The following THAP5 variants were observed in gnomAD, a reference collection of about 807,000 sequenced individuals.
THAP5 encodes THAP domain-containing protein 5.
A neutral mutation model predicts 34.0 loss-of-function variants in THAP5; 26 were observed. The ratio of observed to expected loss-of-function variants is 0.77; its 90% CI spans 0.56 to 1.06. THAP5 has a LOEUF of 1.06. THAP5 is among the 50% of genes least tolerant of loss of function. The pLI, the probability that THAP5 is intolerant of heterozygous loss-of-function variation, is 0.00. For synonymous variants in THAP5, 125 were observed against 153.0 expected, an observed-to-expected ratio of 0.82 and a Z score of 1.35; for missense variants, 394 against 452.8, an observed-to-expected ratio of 0.87 and a Z score of 1.18.
chr7:108,561,910 C>G (rs1430203157), downstream of THAP5, among the ~76,000 whole-genome samples: 1 of 152,050 alleles, frequency 6.6e-6, no homozygotes, highest in African/African-American at 2.4e-5. Context: ...AAAGTTTTAC[C>G]GGAGAATGAT....
downstream of THAP5, among the ~76,000 whole-genome samples, chr7:108,560,884 C>A (rs2240449): frequency 0.2 from 30,515 of 152,058 alleles, 3,794 homozygotes; most frequent in East Asian, 0.52. Flanking sequence ...ACTAAAAGCA[C>A]CGACTACCAT....
chr7:108,564,346 T>C lies in THAP5; in HGVS notation c.1033A>G (p.Ile345Val), dbSNP rs761366398. The part of the protein sequence containing the change: ...WQKVSKLHSK[I>V]TLLELKEQQT... ...TGCTCTTTTAACTCTAGAAGAGTTA[T>C]CTTTGAATGTAGCTTAGAGACTTTC... is the stretch of plus-strand genomic sequence containing the variant. The change falls in exon 3 of 3, where the codon ATA becomes GTA. Residue 345 changes from isoleucine (I) to valine (V), a missense_variant. Coordinates refer to ENST00000415914, the MANE Select transcript of THAP5 (RefSeq NM_001130475.3). 1.8e-5 allele frequency: 29 copies of C among 1,613,758 alleles called. No homozygotes were observed. The highest frequency in any genetic ancestry group is 1.9e-5 in the Non-Finnish European group (23 of 1,179,882).
chr7:108,553,415 AC>A (rs1269549377), downstream of THAP5, among the ~76,000 whole-genome samples: 4 of 151,962 alleles, frequency 2.6e-5, no homozygotes, highest in Non-Finnish European at 4.4e-5. Context: ...CCCTCCATAA[AC>A]CAGCATAACC....
chr7:108,569,369 C>T lies in THAP5; in HGVS notation c.80+121G>A. 4 of 1,508,730 alleles carry T rather than the reference C, an allele frequency of 2.7e-6. No individual in the cohort carries two copies. The South Asian group carries it at 3.7e-5, about 14-fold the overall frequency. The allele number at this position is 1,508,730 out of a possible 1,614,324, so 93.5% of individuals were successfully genotyped here. A position where few individuals can be genotyped will look rare whatever the true frequency, so the allele number is the denominator to read the frequency against. On this transcript the variant is annotated intron_variant, in intron 1 of 2. Transcript: ENST00000415914. ...CTTCCCTCCGTCTTGCCGCGGGCGA[C>T]GGGCCACGTACGGAGAGCTGAGGAC... is the stretch of plus-strand genomic sequence containing the variant.
chr7:108,557,518 T>C (rs1421348421), downstream of THAP5, among the ~76,000 whole-genome samples: 1 of 152,240 alleles, frequency 6.6e-6, no homozygotes, highest in Non-Finnish European at 1.5e-5. Flanking sequence ...GACAGATCCC[T>C]AGAGCAGGGG....
At chr7:108,553,484 T>G (rs1413316995), downstream of THAP5, among the ~76,000 whole-genome samples, 1 of 152,224 alleles carries the variant, frequency 6.6e-6, no homozygotes, top group African/African-American at 2.4e-5. Flanking sequence ...CAGGAACCTT[T>G]ATTTGTACTT....
At chr7:108,549,341 C>T in the THAP5 span, among the ~76,000 whole-genome samples, 8 of 152,142 alleles carry the variant, frequency 5.3e-5, no homozygotes, top group Admixed American at 1.3e-4. Flanking sequence ...AGTATGGTCT[C>T]GATCTCTTGA....
downstream of THAP5, among the ~76,000 whole-genome samples, chr7:108,558,161 GA>G (rs1395196519): frequency 3.3e-5 from 5 of 151,750 alleles, no homozygotes; most frequent in Non-Finnish European, 7.4e-5. Flanking sequence ...AACACATGGG[GA>G]TTACAATTTG....
At chr7:108,565,315 C>G in intron 2 of THAP5, 2 of 396,712 alleles carry the variant, frequency 5.0e-6, no homozygotes, top group Middle Eastern at 7.0e-4. Flanking sequence ...ATTCAAAAGA[C>G]TAGTATATTG....
At chr7:108,552,538 GC>G (rs1358464304), downstream of THAP5, among the ~76,000 whole-genome samples, 3 of 152,186 alleles carry the variant, frequency 2.0e-5, no homozygotes, top group Non-Finnish European at 4.4e-5. Flanking sequence ...GGTGGCTCAC[GC>G]CTGTAATCCC....
At chr7:108,558,367 A>ATGTGTG (rs1473520288), downstream of THAP5, among the ~76,000 whole-genome samples, 170 of 103,962 alleles carry the variant, frequency 1.6e-3, 5 homozygotes, top group Non-Finnish European at 2.5e-3. Flanking sequence ...ATATATGTAT[A>ATGTGTG]TGTGTGTGTG....
At position 108,569,686 on chromosome 7, in the gene THAP5, G is replaced by T; in HGVS notation, c.-117C>A. The T allele has an allele frequency of 7.5e-7, 1 of 1,331,662 alleles. No individual in the cohort carries two copies. The highest frequency in any genetic ancestry group is 1.0e-6 in the Non-Finnish European group (1 of 972,174). The allele number at this position is 1,331,662 out of a possible 1,614,324, so 82.5% of individuals were successfully genotyped here. ...GCCCCTGCGCCTGCGCTAGCATTCT[G>T]CCGGGAAAGCCGCCTCGTCTGTCGA... On this transcript the variant is annotated 5_prime_UTR_variant, in exon 1 of 3. Transcript: ENST00000415914.
chr7:108,556,520 A>C (rs923535023), intron 1 of THAP5, among the ~76,000 whole-genome samples: 2 of 152,156 alleles, frequency 1.3e-5, no homozygotes, highest in African/African-American at 4.8e-5. Context: ...GTCCAAAACC[A>C]AGCAGGGCAG....
chr7:108,569,472 G>C lies in THAP5; in HGVS notation c.80+18C>G. Reference sequence around the variant, plus strand: ...GCCTCACGGCGAGGCTGACGCTTCTGCTCCAGAAACAACTTACGGATAAAA... The same window carrying C: ...GCCTCACGGCGAGGCTGACGCTTCTCCTCCAGAAACAACTTACGGATAAAA... On this transcript the variant is annotated intron_variant, in intron 1 of 2. Transcript: ENST00000415914. The C allele has an allele frequency of 6.4e-7, 1 of 1,551,586 alleles. No individual in the cohort carries two copies. Among genetic ancestry groups the C allele is most frequent in the Non-Finnish European group, 8.7e-7 (1 of 1,146,948 alleles).
downstream of THAP5, among the ~76,000 whole-genome samples, chr7:108,559,557 CAAAA>C (rs1314291411): frequency 6.6e-6 from 1 of 152,120 alleles, no homozygotes; most frequent in Non-Finnish European, 1.5e-5. Context: ...AAGTTTTCTA[CAAAA>C]GAGATTGTGA....
intron 2 of THAP5, 122 bp downstream of exon 2, chr7:108,565,708 T>C: frequency 1.4e-6 from 1 of 698,736 alleles, no homozygotes; most frequent in Non-Finnish European, 2.1e-6. Flanking sequence ...AAATTAGTGC[T>C]CCCTTTTTTC....
chr7:108,543,603 G>A, the THAP5 span, among the ~76,000 whole-genome samples: 32 of 152,284 alleles, frequency 2.1e-4, no homozygotes, highest in African/African-American at 6.7e-4. Flanking sequence ...AGAGAAAGTC[G>A]TCTTTAAAAT....
downstream of THAP5, among the ~76,000 whole-genome samples, chr7:108,560,068 A>G (rs1329239813): frequency 1.3e-5 from 2 of 152,130 alleles, no homozygotes; most frequent in African/African-American, 4.8e-5. Context: ...TATTATGTTA[A>G]AACTATTTAT....
chr7:108,558,459 G>T (rs183164577), downstream of THAP5, among the ~76,000 whole-genome samples: 2 of 143,484 alleles, frequency 1.4e-5, no homozygotes, highest in Non-Finnish European at 3.0e-5. Flanking sequence ...GTGCAGTGGC[G>T]CAATCTCGGC....
Sources: gnomAD v4.1 joint callset for allele counts (sites outside exome capture counted in the v4.1 genomes callset) on GRCh38, gnomAD v4.1.1 for gene constraint, MANE v1.5 for transcripts, NCBI Gene and HGNC (gene_info 2026-07-23, HGNC 2026-07-21) for gene names.